The following TTLL9 variants were observed in gnomAD, a reference collection of about 807,000 sequenced individuals.
TTLL9 encodes probable tubulin polyglutamylase TTLL9.
Under a neutral mutation model 65.6 loss-of-function variants are expected in TTLL9, and 47 were observed. That is an observed-to-expected ratio of 0.72 (90% CI 0.57 to 0.91). The LOEUF (loss-of-function observed/expected upper bound fraction) is 0.91, where lower values mean the gene tolerates loss of function less well. Ranked by LOEUF, TTLL9 falls within the 40% of genes least tolerant of loss-of-function variation. The pLI is 0.00. For synonymous variants in TTLL9, 179 were observed against 204.8 expected (o/e 0.87, Z 1.07); for missense variants, 537 against 568.8 (o/e 0.94, Z 0.57).
rs183543660 is a variant in TTLL9 at position 31,904,623 on chromosome 20, G to A, written c.207-3968G>A. On this transcript the variant is annotated intron_variant, in intron 4 of 14. Transcript: ENST00000535842. ...TTCTCTTGCCTTGACCTCCCAATGT[G>A]CTGGGATTACTGGCTTGAGCCACCG... Among the ~76,000 whole-genome samples the A allele has an allele frequency of 2.0e-5, 3 of 152,170 alleles. No homozygotes were observed. In the East Asian group the frequency reaches 5.8e-4, roughly 29 times the overall value.
intron 2 of TTLL9, among the ~76,000 whole-genome samples, chr20:31,874,341 A>G (rs2063008060): frequency 6.6e-6 from 1 of 151,784 alleles, no homozygotes; most frequent in Non-Finnish European, 1.5e-5. Flanking sequence ...GTAACTGTGA[A>G]TGTTATATTA....
At chr20:31,893,447 C>T (rs938185386) in intron 3 of TTLL9, among the ~76,000 whole-genome samples, 2 of 151,962 alleles carry the variant, frequency 1.3e-5, no homozygotes, top group African/African-American at 2.4e-5. Context: ...CCCGCCACTA[C>T]GCCTGGCTAA....
At chr20:31,901,557 G>C (rs1289850678) in intron 4 of TTLL9, 2 of 152,206 alleles carry the variant, frequency 1.3e-5, no homozygotes, top group Non-Finnish European at 2.9e-5. Flanking sequence ...CCACACGGTG[G>C]TCTACAAGGC....
intron 12 of TTLL9, 59 bp downstream of exon 12, chr20:31,934,947 G>A: frequency 1.3e-6 from 2 of 1,505,188 alleles, no homozygotes; most frequent in Non-Finnish European, 9.1e-7. Flanking sequence ...CACCCAGACT[G>A]CCCAGGTTTG....
At chr20:31,889,968 C>CTT (rs1555809485) in intron 3 of TTLL9, among the ~76,000 whole-genome samples, 2 of 129,820 alleles carry the variant, frequency 1.5e-5, no homozygotes, top group African/African-American at 2.9e-5. Context: ...CAAGCCACAT[C>CTT]TCTCTCTTTC....
At chr20:31,935,803 C>A (rs935002339) in intron 12 of TTLL9, among the ~76,000 whole-genome samples, 1 of 152,208 alleles carries the variant, frequency 6.6e-6, no homozygotes. Flanking sequence ...CTCAGTTAAT[C>A]GCCACCTGGC....
At chr20:31,879,437 T>G (rs541695813) in intron 2 of TTLL9, 18 of 178,102 alleles carry the variant, frequency 1.0e-4, no homozygotes, top group African/African-American at 4.2e-4. Context: ...GCGGCTGGGA[T>G]AGCAGAGGCG....
intron 6 of TTLL9, among the ~76,000 whole-genome samples, chr20:31,919,288 T>C (rs1350777155): frequency 1.3e-5 from 2 of 152,124 alleles, no homozygotes; most frequent in African/African-American, 4.8e-5. Context: ...TGTAACAAAA[T>C]GGGCTGTTTG....
Position 31,943,881 on chromosome 20 carries a change from C to G in TTLL9, c.*860C>G, listed in dbSNP as rs1410212241. 1 of 455,488 alleles carries G rather than the reference C, an allele frequency of 2.2e-6. No individual in the cohort carries two copies. Among genetic ancestry groups the G allele is most frequent in the Non-Finnish European group, 4.4e-6 (1 of 226,482 alleles). 28.2% of individuals were successfully genotyped at this position (455,488 alleles called of 1,614,324 possible). ...ATCTGCCTTTTCACATCTTACATTG[C>G]TAAGCTTCCTCTTGGTTTAAGAGGG... On this transcript the variant is annotated 3_prime_UTR_variant, in exon 15 of 15. Transcript: ENST00000535842.
At chr20:31,907,774 G>A (rs1161258668) in intron 4 of TTLL9, among the ~76,000 whole-genome samples, 3 of 151,968 alleles carry the variant, frequency 2.0e-5, no homozygotes, top group Non-Finnish European at 4.4e-5. Flanking sequence ...ACCAAACTCA[G>A]GCTGATGGTT....
chr20:31,934,770 A>G lies in TTLL9; in HGVS notation c.886A>G (p.Arg296Gly), dbSNP rs2064080957. Residue 296 changes from arginine (R) to glycine (G), a missense_variant, in exon 12 of 15, where the codon AGG becomes GGG. Physicochemically the swap from Arg to Gly is moderately radical, Grantham distance 125. Transcript: ENST00000535842. Reference protein sequence around the residue: ...HGPEAVETLFRDIDNIFVKSL... With the variant: ...HGPEAVETLFGDIDNIFVKSL... ...GCCCGAGGCAGTGGAGACACTCTTC[A>G]GGGACATCGACAACATCTTTGTCAA... 6.2e-7 allele frequency: 1 copy of G among 1,613,540 alleles called. No homozygotes were observed. Among genetic ancestry groups the G allele is most frequent in the Non-Finnish European group, 8.5e-7 (1 of 1,180,028 alleles).
chr20:31,875,312 G>A (rs2063022560), intron 2 of TTLL9, among the ~76,000 whole-genome samples: 4 of 152,134 alleles, frequency 2.6e-5, no homozygotes, highest in Admixed American at 2.6e-4. Context: ...CTGGAACACA[G>A]TACATTATTA....
chr20:31,936,353 C>T (rs552222564), intron 12 of TTLL9, among the ~76,000 whole-genome samples: 4 of 152,040 alleles, frequency 2.6e-5, no homozygotes, highest in Non-Finnish European at 5.9e-5. Context: ...AATAATAATA[C>T]CAACTACTCA....
intron 4 of TTLL9, among the ~76,000 whole-genome samples, chr20:31,904,253 AAAT>A (rs1180119039): frequency 2.0e-5 from 3 of 152,188 alleles, no homozygotes; most frequent in African/African-American, 4.8e-5. Flanking sequence ...CTTTTTTTAA[AAAT>A]AATAAGTATC....
rs376745428 is a variant in TTLL9 at position 31,909,689 on chromosome 20, G to A, written c.319-48G>A. On this transcript the variant is annotated intron_variant, in intron 5 of 14. Transcript: ENST00000535842. ...GGATGTGTGGGGCTGGGAGGGGAGC[G>A]GGGCTGTGAGCAGGAGCTAATGGCC... The A allele has an allele frequency of 2.4e-5, 38 of 1,578,226 alleles. No homozygotes were observed. The South Asian group carries it at 2.7e-4, about 11-fold the overall frequency.
In TTLL9 at chr20:31,923,017, G is replaced by A; in HGVS notation, c.628G>A (p.Ala210Thr). The A allele has an allele frequency of 6.2e-7, 1 of 1,614,108 alleles. No individual in the cohort carries two copies. Among genetic ancestry groups the A allele is most frequent in the Non-Finnish European group, 8.5e-7 (1 of 1,179,984 alleles). ...TGATATTCCCGTGGAGAACTATGTG[G>A]CTCAGCGTTACATTGAAAATCCTTA... Reference protein sequence around the residue: ...KDDIPVENYVAQRYIENPYLI... With the variant: ...KDDIPVENYVTQRYIENPYLI... The change falls in exon 8 of 15, where the codon GCT becomes ACT. Residue 210 changes from alanine (A) to threonine (T), a missense_variant. Physicochemically the swap from Ala to Thr is moderately conservative, Grantham distance 58. Coordinates refer to ENST00000535842, the MANE Select transcript of TTLL9 (RefSeq NM_001008409.5).
chr20:31,928,682 TC>T (rs1259491337), intron 10 of TTLL9, among the ~76,000 whole-genome samples: 1 of 152,180 alleles, frequency 6.6e-6, no homozygotes, highest in African/African-American at 2.4e-5. Flanking sequence ...ATCTATGTGA[TC>T]TTGTGCATCT....
At chr20:31,921,833 G>T (rs28842223) in intron 7 of TTLL9, among the ~76,000 whole-genome samples, 1 of 152,150 alleles carries the variant, frequency 6.6e-6, no homozygotes. Flanking sequence ...TGGGGTGGAA[G>T]GAGGGGGGAG....
chr20:31,934,144 A>C (rs1176178006), intron 11 of TTLL9, among the ~76,000 whole-genome samples: 3 of 152,266 alleles, frequency 2.0e-5, no homozygotes, highest in Non-Finnish European at 4.4e-5. Flanking sequence ...TCAACGGATT[A>C]ATCGATTAAT....
Sources: allele counts gnomAD v4.1 joint callset (sites outside exome capture counted in the v4.1 genomes callset), GRCh38; gene constraint gnomAD v4.1.1; transcripts MANE v1.5; gene names NCBI Gene and HGNC (gene_info 2026-07-23, HGNC 2026-07-21).